PDXP: variants seen among roughly 807,000 people sequenced by gnomAD.
The protein encoded by PDXP is chronophin.
Under a neutral mutation model 14.4 loss-of-function variants are expected in PDXP, and 15 were observed. The ratio of observed to expected loss-of-function variants is 1.04; its 90% CI spans 0.70 to 1.60. The LOEUF is 1.60. PDXP is among the 40% of genes most tolerant of loss of function. The pLI is 0.00. For missense variants in PDXP, 413 were observed against 427.6 expected (o/e 0.97, Z 0.30); for synonymous variants, 233 against 205.6 (o/e 1.13, Z -1.14).
chr22:37,660,909 C>T (rs1933189912), intron 1 of PDXP, among the ~76,000 whole-genome samples: 1 of 152,172 alleles, frequency 6.6e-6, no homozygotes, highest in Non-Finnish European at 1.5e-5. Flanking sequence ...AGTCCTTGGC[C>T]TCTCCTGGCT....
intron 1 of PDXP, 30 bp from the exon 2 acceptor site, chr22:37,665,524 TC>T (rs1216056107): frequency 5.1e-6 from 8 of 1,557,518 alleles, no homozygotes; most frequent in Non-Finnish European, 7.0e-6. Context: ...CCTGCCGCCC[TC>T]CTGCTGACTG....
intron 1 of PDXP, among the ~76,000 whole-genome samples, chr22:37,660,504 G>A (rs776482988): frequency 6.6e-5 from 10 of 152,214 alleles, no homozygotes; most frequent in Non-Finnish European, 1.3e-4. Context: ...GTCATCTTGC[G>A]AGTTCAGCCC....
intron 1 of PDXP, among the ~76,000 whole-genome samples, chr22:37,661,338 TGTG>T (rs2146088196): frequency 1.2e-5 from 1 of 80,908 alleles, no homozygotes; most frequent in African/African-American, 3.2e-5. Context: ...AACAGTGTGG[TGTG>T]GTGTGGTGTG....
chr22:37,665,599 C>T lies in PDXP; in HGVS notation c.619C>T (p.Gln207Ter). The change falls in exon 2 of 2, where the codon CAG (glutamine) becomes TAG (stop). Residue 207 changes from glutamine (Q) to a stop codon, truncating the protein, a stop_gained. Coordinates refer to ENST00000215904, the MANE Select transcript of PDXP (RefSeq NM_020315.5). LOFTEE classifies it high-confidence loss of function. ...AAAVETASGRQALVVGKPSPY... is the reference protein window; with the variant it reads ...AAAVETASGR ...TGCAGTGGAGACAGCCTCGGGACGC[C>T]AGGCCCTGGTGGTGGGCAAGCCCAG... 3.7e-6 allele frequency: 6 copies of T among 1,613,186 alleles called. No individual in the cohort carries two copies. Among genetic ancestry groups the T allele is most frequent in the Non-Finnish European group, 4.2e-6 (5 of 1,179,954 alleles).
intron 1 of PDXP, among the ~76,000 whole-genome samples, chr22:37,661,943 T>TA (rs1933216226): frequency 2.2e-5 from 1 of 45,252 alleles, no homozygotes; most frequent in African/African-American, 7.0e-5. Context: ...TTTTTTTTTT[T>TA]TTTTTTTTTT....
Position 37,658,897 on chromosome 22 carries a change from G to A in PDXP, c.115G>A (p.Gly39Ser). The A allele has an allele frequency of 2.4e-6, 3 of 1,225,948 alleles. No individual in the cohort carries two copies. The highest frequency in any genetic ancestry group is 3.1e-6 in the Non-Finnish European group (3 of 982,392). The allele number at this position is 1,225,948 out of a possible 1,614,324, so 75.9% of individuals were successfully genotyped here. A position where few individuals can be genotyped will look rare whatever the true frequency, so the allele number is the denominator to read the frequency against. ...GTGGAACGGCGAGCGCGCCGTGCCG[G>A]GCGCCCCGGAGCTGCTGGAGCGGCT... ...VLWNGERAVP[G>S]APELLERLAR... Residue 39 changes from glycine (G) to serine (S), a missense_variant, in exon 1 of 2, where the codon GGC (glycine) becomes AGC (serine). Coordinates refer to ENST00000215904, the MANE Select transcript of PDXP (RefSeq NM_020315.5).
At chr22:37,660,122 T>C (rs576234526) in intron 1 of PDXP, among the ~76,000 whole-genome samples, 1 of 152,306 alleles carries the variant, frequency 6.6e-6, no homozygotes, top group East Asian at 1.9e-4. Context: ...AGGTCAAGGC[T>C]GTAGCGTGCT....
chr22:37,659,159 G>T lies in PDXP; in HGVS notation c.377G>T (p.Gly126Val). ...CTGCGCGCCGAGCTGCGCGCCGCGG[G>T]GCTGCGCCTGGCCGGGGACCCGAGC... ...EGLRAELRAA[G>V]LRLAGDPSAG... Residue 126 changes from glycine to valine, a missense_variant, in exon 1 of 2, where the codon GGG (glycine) becomes GTG (valine). Gly to Val is a moderately radical substitution (Grantham distance 109). Coordinates refer to ENST00000215904, the MANE Select transcript of PDXP (RefSeq NM_020315.5). 1 of 1,088,120 alleles carries T rather than the reference G, an allele frequency of 9.2e-7. No individual in the cohort carries two copies. The highest frequency in any genetic ancestry group is 4.3e-5 in the South Asian group (1 of 23,130). 67.4% of individuals were successfully genotyped at this position (1,088,120 alleles called of 1,614,324 possible).
chr22:37,663,762 A>AAT (rs1920987882), intron 1 of PDXP, among the ~76,000 whole-genome samples: 1 of 152,032 alleles, frequency 6.6e-6, no homozygotes, highest in Admixed American at 6.6e-5. Context: ...TGCAGGGCCA[A>AAT]ATTCGCAAGA....
At chr22:37,661,308 A>G (rs1601595805) in intron 1 of PDXP, among the ~76,000 whole-genome samples, 1 of 152,144 alleles carries the variant, frequency 6.6e-6, no homozygotes, top group East Asian at 1.9e-4. Context: ...ATGTTTGTGC[A>G]CAGCTTGATG....
chr22:37,659,942 T>C (rs1933169248), intron 1 of PDXP, among the ~76,000 whole-genome samples: 2 of 152,230 alleles, frequency 1.3e-5, no homozygotes, highest in Non-Finnish European at 2.9e-5. Flanking sequence ...TACAGAGAAC[T>C]TAATGAAACA....
intron 1 of PDXP, 112 bp from the exon 2 acceptor site, chr22:37,665,443 C>T (rs6000855): frequency 7.1e-6 from 6 of 840,818 alleles, no homozygotes; most frequent in East Asian, 2.7e-5. Context: ...TTTCTGGCTC[C>T]TGTCAGCAGC....
chr22:37,665,264 A>AC (rs1211051544), intron 1 of PDXP, among the ~76,000 whole-genome samples: 1 of 151,808 alleles, frequency 6.6e-6, no homozygotes, highest in Non-Finnish European at 1.5e-5. Context: ...ACGCATCCTC[A>AC]CAGTACCCAC....
chr22:37,663,527 C>T (rs1319092480), intron 1 of PDXP, among the ~76,000 whole-genome samples: 2 of 151,936 alleles, frequency 1.3e-5, no homozygotes, highest in South Asian at 2.1e-4. Flanking sequence ...CACTTCTCTT[C>T]ACTCAATATC....
Position 37,658,934 on chromosome 22 carries a change from G to A in PDXP, c.152G>A (p.Gly51Asp). The A allele has an allele frequency of 4.1e-6, 5 of 1,215,622 alleles. No individual in the cohort carries two copies. The highest frequency in any genetic ancestry group is 5.1e-6 in the Non-Finnish European group (5 of 974,610). The allele number at this position is 1,215,622 out of a possible 1,614,324, so 75.3% of individuals were successfully genotyped here. A position where few individuals can be genotyped will look rare whatever the true frequency, so the allele number is the denominator to read the frequency against. The change falls in exon 1 of 2, where the codon GGC becomes GAC. Residue 51 changes from glycine to aspartate, a missense_variant. Physicochemically the swap from Gly to Asp is moderately conservative, Grantham distance 94. Coordinates refer to ENST00000215904, the MANE Select transcript of PDXP (RefSeq NM_020315.5). Reference sequence around the variant, plus strand: ...CTGCTGGAGCGGCTGGCGCGGGCCGGCAAGGCGGCTCTGTTTGTGAGCAAC... The same window carrying A: ...CTGCTGGAGCGGCTGGCGCGGGCCGACAAGGCGGCTCTGTTTGTGAGCAAC... ...PELLERLARA[G>D]KAALFVSNNS...
chr22:37,662,460 C>G (rs1328051265), intron 1 of PDXP, among the ~76,000 whole-genome samples: 1 of 152,166 alleles, frequency 6.6e-6, no homozygotes, highest in Non-Finnish European at 1.5e-5. Flanking sequence ...ATGATTATAC[C>G]ATGTGCTGGC....
rs371526050 is a variant in PDXP, at chr22:37,665,752, C to G, written c.772C>G (p.Leu258Val). Residue 258 changes from leucine to valine, a missense_variant, in exon 2 of 2, where the codon CTC (leucine) becomes GTC (valine). Physicochemically the swap from Leu to Val is conservative, Grantham distance 32. Coordinates refer to ENST00000215904, the MANE Select transcript of PDXP (RefSeq NM_020315.5). ...HRCGMTTVLT[L>V]TGVSRLEEAQ... ...CTGCGGCATGACCACTGTGCTCACG[C>G]TCACAGGAGTCTCCCGCCTAGAAGA... is the stretch of plus-strand genomic sequence containing the variant. 1 of 1,614,122 alleles carries G rather than the reference C, an allele frequency of 6.2e-7. No homozygotes were observed. The highest frequency in any genetic ancestry group is 1.7e-5 in the Admixed American group (1 of 60,036).
rs1442795694 is a variant in PDXP, at chr22:37,665,881, A to T, written c.*10A>T. Reference sequence around the variant, plus strand: ...GGGGTTGGAGGACTGAGCCCACTGCACCTGCAGCCACAGGCCCACCCCTCC... The same window carrying T: ...GGGGTTGGAGGACTGAGCCCACTGCTCCTGCAGCCACAGGCCCACCCCTCC... On this transcript the variant is annotated 3_prime_UTR_variant, in exon 2 of 2. Transcript: ENST00000215904. The T allele has an allele frequency of 6.2e-7, 1 of 1,605,678 alleles. No individual in the cohort carries two copies. The highest frequency in any genetic ancestry group is 8.5e-7 in the Non-Finnish European group (1 of 1,174,340).
chr22:37,663,017 T>C (rs1317725934), intron 1 of PDXP, among the ~76,000 whole-genome samples: 2 of 149,746 alleles, frequency 1.3e-5, no homozygotes, highest in Admixed American at 6.7e-5. Flanking sequence ...AAGATTACCA[T>C]GGGCCGGTTA....
Sources: gnomAD v4.1 joint callset for allele counts (sites outside exome capture counted in the v4.1 genomes callset) on GRCh38, gnomAD v4.1.1 for gene constraint, MANE v1.5 for transcripts, NCBI Gene and HGNC (gene_info 2026-07-23, HGNC 2026-07-21) for gene names.